The following FER variants were observed in gnomAD, a reference collection of about 807,000 sequenced individuals.
The protein encoded by FER is FER tyrosine kinase.
A neutral mutation model predicts 111.0 loss-of-function variants in FER; 63 were observed. That is an observed-to-expected ratio of 0.57 (90% confidence interval 0.46 to 0.70). The LOEUF is 0.70. Among genes scored for constraint, FER ranks in the 30% least tolerant of loss-of-function variants. The pLI, the probability that FER is intolerant of heterozygous loss-of-function variation, is 0.00. For missense variants in FER, 914 were observed against 954.0 expected (o/e 0.96, Z 0.55); for synonymous variants, 327 against 313.9 (o/e 1.04, Z -0.44).
rs187786141 is a variant in FER at position 108,865,509 on chromosome 5, A to T, written c.482-2258A>T. Among the ~76,000 whole-genome samples, 42 of 152,340 alleles carry T rather than the reference A, an allele frequency of 2.8e-4. 2 individuals are homozygous for T. The Middle Eastern group carries it at 0.01, about 37-fold the overall frequency. ...GAAGAAAACCTTGGCAATACCATTCAGGACATAGGCATGGGTAAGGACTTC... is the reference window on the plus strand; with the variant it reads ...GAAGAAAACCTTGGCAATACCATTCTGGACATAGGCATGGGTAAGGACTTC... On this transcript the variant is annotated intron_variant, in intron 5 of 19. Coordinates refer to ENST00000281092, the MANE Select transcript of FER (RefSeq NM_005246.4).
chr5:108,844,516 C>A (rs1185753121), intron 5 of FER, among the ~76,000 whole-genome samples: 1 of 152,062 alleles, frequency 6.6e-6, no homozygotes, highest in African/African-American at 2.4e-5. Flanking sequence ...ACAGACAGCA[C>A]CTATTTAAAA....
chr5:109,134,899 T>C (rs1582190334), intron 17 of FER, among the ~76,000 whole-genome samples: 1 of 152,350 alleles, frequency 6.6e-6, no homozygotes, highest in East Asian at 1.9e-4. Flanking sequence ...AAATGAGTAG[T>C]AACCAACAGT....
chr5:108,964,223 A>T (rs140805626), intron 13 of FER, among the ~76,000 whole-genome samples: 1 of 152,266 alleles, frequency 6.6e-6, no homozygotes, highest in Non-Finnish European at 1.5e-5. Context: ...TAAGGAGATA[A>T]TGAAGTTCTA....
At chr5:108,749,507 C>A (rs1231852864) in intron 1 of FER, among the ~76,000 whole-genome samples, 1 of 152,176 alleles carries the variant, frequency 6.6e-6, no homozygotes, top group African/African-American at 2.4e-5. Flanking sequence ...GCTACGGGGG[C>A]ATTCTCAACC....
At chr5:108,879,701 A>AAAAAAATATATAT in intron 8 of FER, among the ~76,000 whole-genome samples, 3 of 99,128 alleles carry the variant, frequency 3.0e-5, no homozygotes, top group African/African-American at 1.4e-4. Context: ...ATTAAAAAAA[A>AAAAAAATATATAT]ATATATATAT....
intron 10 of FER, among the ~76,000 whole-genome samples, chr5:108,916,718 AT>A (rs1415844830): frequency 6.6e-6 from 1 of 152,118 alleles, no homozygotes; most frequent in South Asian, 2.1e-4. Context: ...TAGGTGTGTT[AT>A]TATAAAAGAA....
At chr5:108,829,156 C>T (rs1445381764) in intron 3 of FER, among the ~76,000 whole-genome samples, 6 of 152,142 alleles carry the variant, frequency 3.9e-5, no homozygotes, top group Non-Finnish European at 7.3e-5. Context: ...TCCCACCCAC[C>T]CAGCTAATTC....
At chr5:108,751,621 A>T (rs1750521625) in intron 1 of FER, among the ~76,000 whole-genome samples, 1 of 152,192 alleles carries the variant, frequency 6.6e-6, no homozygotes, top group Non-Finnish European at 1.5e-5. Flanking sequence ...AATTGGGTCA[A>T]TCTTATGTCT....
chr5:109,059,861 G>C (rs145721463), intron 16 of FER, among the ~76,000 whole-genome samples: 1 of 152,062 alleles, frequency 6.6e-6, no homozygotes, highest in Non-Finnish European at 1.5e-5. Context: ...ACCTCTGTCC[G>C]TGCAAATACT....
At chr5:109,172,222 T>G (rs969259036) in intron 17 of FER, among the ~76,000 whole-genome samples, 37 of 151,664 alleles carry the variant, frequency 2.4e-4, no homozygotes, top group Admixed American at 3.9e-4. Context: ...TAGCAAAGAC[T>G]TGGAACCAAC....
intron 13 of FER, 69 bp downstream of exon 13, chr5:108,959,416 G>A (rs1318424983): frequency 2.0e-6 from 3 of 1,482,034 alleles, no homozygotes; most frequent in African/African-American, 1.4e-5. Flanking sequence ...ATTTCCAACA[G>A]TAAATAAAAT....
intron 17 of FER, among the ~76,000 whole-genome samples, chr5:109,128,495 C>A (rs1231050722): frequency 6.6e-6 from 1 of 152,064 alleles, no homozygotes; most frequent in Non-Finnish European, 1.5e-5. Flanking sequence ...CTAATTCATA[C>A]TTGGGAGTTA....
chr5:109,136,569 CTAGTTA>C (rs1290757598), intron 17 of FER, among the ~76,000 whole-genome samples: 1 of 152,034 alleles, frequency 6.6e-6, no homozygotes, highest in African/African-American at 2.4e-5. Flanking sequence ...ATTTTTTTAG[CTAGTTA>C]TAGCTTACAA....
At chr5:108,959,760 A>C (rs1046913670) in intron 13 of FER, among the ~76,000 whole-genome samples, 1 of 152,094 alleles carries the variant, frequency 6.6e-6, no homozygotes, top group African/African-American at 2.4e-5. Flanking sequence ...GTATTATAAG[A>C]TATTGGAACT....
At chr5:109,068,676 C>T (rs1006972722) in intron 16 of FER, among the ~76,000 whole-genome samples, 3 of 152,142 alleles carry the variant, frequency 2.0e-5, no homozygotes, top group Non-Finnish European at 4.4e-5. Flanking sequence ...AAGCATGCTA[C>T]TTGATCTCTT....
At chr5:108,825,841 T>C (rs575699638) in intron 3 of FER, among the ~76,000 whole-genome samples, 1 of 152,350 alleles carries the variant, frequency 6.6e-6, no homozygotes, top group Admixed American at 6.5e-5. Context: ...GTTCCTCCAT[T>C]TGGGGTCCCT....
At chr5:109,002,077 C>G (rs1415443614) in intron 13 of FER, among the ~76,000 whole-genome samples, 2 of 151,418 alleles carry the variant, frequency 1.3e-5, no homozygotes, top group Non-Finnish European at 2.9e-5. Flanking sequence ...AATGCCATCC[C>G]CATCAAGCTA....
chr5:108,835,184 A>ATCC (rs1481952095), intron 4 of FER, among the ~76,000 whole-genome samples: 1 of 28,882 alleles, frequency 3.5e-5, no homozygotes, highest in Non-Finnish European at 6.0e-5. Context: ...CGTTTGCGCC[A>ATCC]CCCCCCCCCC....
chr5:109,040,176 A>G (rs1192297650), intron 14 of FER, among the ~76,000 whole-genome samples: 1 of 152,062 alleles, frequency 6.6e-6, no homozygotes, highest in South Asian at 2.1e-4. Flanking sequence ...GATGGAAACT[A>G]TTGGGTATTA....
Sources: gnomAD v4.1 joint callset for allele counts (sites outside exome capture counted in the v4.1 genomes callset) on GRCh38, gnomAD v4.1.1 for gene constraint, MANE v1.5 for transcripts, NCBI Gene and HGNC (gene_info 2026-07-23, HGNC 2026-07-21) for gene names.